Variants in ZFP69 observed in about 807,000 individuals in gnomAD.
ZFP69 encodes the protein zinc finger protein 69 homolog.
ZFP69 carries 35 observed loss-of-function variants against 48.9 expected under a neutral mutation model. That is an observed-to-expected ratio of 0.72 (90% CI 0.55 to 0.95). The LOEUF is 0.95. Among genes scored for constraint, ZFP69 ranks in the 40% least tolerant of loss-of-function variants. The pLI is 0.00. For synonymous variants in ZFP69, 193 were observed against 216.8 expected, an observed-to-expected ratio of 0.89 and a Z score of 0.96; for missense variants, 557 against 638.4, an observed-to-expected ratio of 0.87 and a Z score of 1.37.
intron 3 of ZFP69, among the ~76,000 whole-genome samples, chr1:40,488,142 A>G (rs1570031547): frequency 6.7e-6 from 1 of 148,554 alleles, no homozygotes; most frequent in East Asian, 2.0e-4. Flanking sequence ...GTGTATATAC[A>G]TACATACATG....
intron 3 of ZFP69, among the ~76,000 whole-genome samples, chr1:40,488,509 G>A (rs535742558): frequency 6.6e-6 from 1 of 152,332 alleles, no homozygotes; most frequent in Non-Finnish European, 1.5e-5. Context: ...GCGTGAGGTG[G>A]TGGGGGAACC....
At chr1:40,484,594 T>A (rs78161656) in intron 3 of ZFP69, among the ~76,000 whole-genome samples, 2 of 148,268 alleles carry the variant, frequency 1.3e-5, no homozygotes, top group South Asian at 4.3e-4. Flanking sequence ...TTTTTTTTTT[T>A]AATTGAGACA....
At position 40,489,101 on chromosome 1, in the gene ZFP69, T is replaced by G; in HGVS notation, c.233T>G (p.Phe78Cys). 8 of 1,613,888 alleles carry G rather than the reference T, an allele frequency of 5.0e-6. No individual in the cohort carries two copies. The highest frequency in any genetic ancestry group is 6.8e-6 in the Non-Finnish European group (8 of 1,180,000). The change falls in exon 4 of 6, where the codon TTC becomes TGC. Residue 78 changes from phenylalanine (F) to cysteine (C), a missense_variant. Phe to Cys is a radical substitution (Grantham distance 205). Transcript: ENST00000372706. ...PTAESQELLT[F>C]KDISIDFTQE... Reference sequence around the variant, plus strand: ...TTGATGTTCTAGGAATTGTTGACTTTCAAGGACATATCTATTGACTTCACC... The same window carrying G: ...TTGATGTTCTAGGAATTGTTGACTTGCAAGGACATATCTATTGACTTCACC...
intron 3 of ZFP69, among the ~76,000 whole-genome samples, chr1:40,486,132 G>A (rs1645494054): frequency 6.6e-6 from 1 of 151,844 alleles, no homozygotes; most frequent in Non-Finnish European, 1.5e-5. Flanking sequence ...TCACCATGTT[G>A]GCCAGGCTGG....
rs958871960 is a variant in ZFP69 at position 40,477,436 on chromosome 1, C to T, written c.-785C>T. ...GGAGGCAGAGGCCAGGCGAGACACCCGGCTGCGGCCTAAGAGGCCAGGCTG... is the reference window on the plus strand; with the variant it reads ...GGAGGCAGAGGCCAGGCGAGACACCTGGCTGCGGCCTAAGAGGCCAGGCTG... On this transcript the variant is annotated 5_prime_UTR_variant, in exon 1 of 6. Transcript: ENST00000372706. The surrounding 1 kb of genome is among the most constrained non-coding windows in gnomAD (Gnocchi z 4.0). 6.6e-6 allele frequency: 1 copy of T among 151,932 alleles called. No individual in the cohort carries two copies. The highest frequency in any genetic ancestry group is 1.5e-5 in the Non-Finnish European group (1 of 67,960). 9.4% of individuals were successfully genotyped at this position (151,932 alleles called of 1,614,324 possible).
chr1:40,494,009 T>C (rs958105819), intron 5 of ZFP69, among the ~76,000 whole-genome samples: 3 of 152,154 alleles, frequency 2.0e-5, no homozygotes, highest in Non-Finnish European at 2.9e-5. Flanking sequence ...GAGAAATATA[T>C]ATATATACAC....
At chr1:40,479,514 A>G in intron 2 of ZFP69, 26 bp downstream of exon 2, 6 of 1,596,312 alleles carry the variant, frequency 3.8e-6, no homozygotes, top group Non-Finnish European at 5.1e-6. Flanking sequence ...TGGAGGGGGA[A>G]GAAGGGGATC....
intron 3 of ZFP69, 144 bp from the exon 4 acceptor site, chr1:40,488,944 G>C: frequency 1.1e-6 from 1 of 904,904 alleles, no homozygotes; most frequent in Non-Finnish European, 1.7e-6. Flanking sequence ...CAGATTTGGA[G>C]ATCAGAGGAT....
In ZFP69 at chr1:40,477,729, G is replaced by A. The variant is rs1295188095; in HGVS notation, c.-492G>A. 6.6e-6 allele frequency: 1 copy of A among 152,166 alleles called. No homozygotes were observed. Among genetic ancestry groups the A allele is most frequent in the Admixed American group, 6.5e-5 (1 of 15,290 alleles). 9.4% of individuals were successfully genotyped at this position (152,166 alleles called of 1,614,324 possible). A position where few individuals can be genotyped will look rare whatever the true frequency, so the allele number is the denominator to read the frequency against. ...CAACGCTGGACGCTTCTTGGAGAATGATTGCGTTGAGTGGAGATGTGGTCT... is the reference window on the plus strand; with the variant it reads ...CAACGCTGGACGCTTCTTGGAGAATAATTGCGTTGAGTGGAGATGTGGTCT... On this transcript the variant is annotated 5_prime_UTR_variant, in exon 1 of 6. An upstream start codon of the reference 5' UTR is lost. Coordinates refer to ENST00000372706, the MANE Select transcript of ZFP69 (RefSeq NM_001320179.2). The surrounding 1 kb of genome is among the most constrained non-coding windows in gnomAD (Gnocchi z 4.0).
Position 40,495,915 on chromosome 1 carries a change from T to G in ZFP69, c.1437T>G (p.Asp479Glu). The G allele has an allele frequency of 6.2e-7, 1 of 1,614,134 alleles. No individual in the cohort carries two copies. Among genetic ancestry groups the G allele is most frequent in the Non-Finnish European group, 8.5e-7 (1 of 1,180,032 alleles). ...GCTGTGGAAAAGCCTATAGGCATGA[T>G]TCATCCTTTAAAAAACATCAGAGAC... ...CNRCGKAYRH[D>E]SSFKKHQRHH... The change falls in exon 6 of 6, where the codon GAT (aspartate) becomes GAG (glutamate). Residue 479 changes from aspartate to glutamate, a missense_variant. By Grantham distance (45) the Asp-to-Glu change is conservative (BLOSUM62 2). Transcript: ENST00000372706.
At chr1:40,486,657 A>T (rs1433501345) in intron 3 of ZFP69, among the ~76,000 whole-genome samples, 1 of 151,830 alleles carries the variant, frequency 6.6e-6, no homozygotes, top group Non-Finnish European at 1.5e-5. Context: ...CTTGAGCTCA[A>T]GCAGTCCTCC....
intron 2 of ZFP69, 42 bp downstream of exon 2, chr1:40,479,530 T>A: frequency 6.4e-7 from 1 of 1,572,112 alleles, no homozygotes; most frequent in Non-Finnish European, 8.6e-7. Context: ...GGATCTCATT[T>A]GTGTGTGAAA....
rs1014133288 is a variant in ZFP69 at position 40,495,125 on chromosome 1, A to C, written c.647A>C (p.His216Pro). 1.1e-5 allele frequency: 18 copies of C among 1,614,000 alleles called. No homozygotes were observed. The South Asian group carries it at 1.8e-4, about 16-fold the overall frequency. ...MRDVRQAILT[H>P]KKRVQETNKF... ...GATGTGAGACAAGCCATCTTGACCC[A>C]TAAGAAGAGAGTCCAAGAAACTAAC... Residue 216 changes from histidine (H) to proline (P), a missense_variant, in exon 6 of 6, where the codon CAT (histidine) becomes CCT (proline). By Grantham distance (77) the His-to-Pro change is moderately conservative. Coordinates refer to ENST00000372706, the MANE Select transcript of ZFP69 (RefSeq NM_001320179.2).
At position 40,489,581 on chromosome 1, in the gene ZFP69, G is replaced by C; in HGVS notation, c.399G>C (p.Glu133Asp). 6.2e-7 allele frequency: 1 copy of C among 1,613,772 alleles called. No individual in the cohort carries two copies. The highest frequency in any genetic ancestry group is 8.5e-7 in the Non-Finnish European group (1 of 1,179,912). The change falls in exon 5 of 6, where the codon GAG becomes GAC. Residue 133 changes from glutamate (E) to aspartate (D), a missense_variant. Physicochemically the swap from Glu to Asp is conservative, Grantham distance 45 (BLOSUM62 2). Transcript: ENST00000372706. ...TATCCCAGTTAGAGAAAGGAGAAGA[G>C]CCATGGATGGCAGAGAAAGAAGGCC... Reference protein sequence around the residue: ...SVISQLEKGEEPWMAEKEGPG... With the variant: ...SVISQLEKGEDPWMAEKEGPG...
At position 40,493,308 on chromosome 1, in the gene ZFP69, T is replaced by G. The variant is rs1445983847; in HGVS notation, c.443-1613T>G. ...ATTGACCTTTTATACAGCCACCTTG[T>G]TTTACTCTTATTAATTCCAATCACT... is the stretch of plus-strand genomic sequence containing the variant. On this transcript the variant is annotated intron_variant, in intron 5 of 5. Transcript: ENST00000372706. 2.6e-5 allele frequency: 4 copies of G among 152,134 alleles called. No homozygotes were observed. The East Asian group carries it at 7.7e-4, about 29-fold the overall frequency. The allele number at this position is 152,134 out of a possible 1,614,324, so 9.4% of individuals were successfully genotyped here.
Position 40,479,448 on chromosome 1 carries a change from G to A in ZFP69, c.87G>A (p.Ala29=), listed in dbSNP as rs781086304. Residue 29 remains alanine, a synonymous_variant, in exon 2 of 6, where the codon GCG becomes GCA. Transcript: ENST00000372706. ...LQHPKKAVEG[A]PLWEDVTKMF... ...ATCCAAAGAAGGCCGTGGAGGGGGC[G>A]CCCCTGTGGGAGGATGTGACTAAAA... The A allele has an allele frequency of 6.2e-6, 10 of 1,613,968 alleles. No homozygotes were observed. The East Asian group carries it at 8.9e-5, about 14-fold the overall frequency.
rs183939024 is a variant in ZFP69 at position 40,489,724 on chromosome 1, G to A, written c.442+100G>A. 10 of 843,498 alleles carry A rather than the reference G, an allele frequency of 1.2e-5. No homozygotes were observed. In the East Asian group the frequency reaches 1.4e-4, roughly 11 times the overall value. The allele number at this position is 843,498 out of a possible 1,614,324, so 52.3% of individuals were successfully genotyped here. On this transcript the variant is annotated intron_variant, in intron 5 of 5. Coordinates refer to ENST00000372706, the MANE Select transcript of ZFP69 (RefSeq NM_001320179.2). Reference sequence around the variant, plus strand: ...AGAAGTTTAATTGGCTAATGATTCTGCAGGCTGTACAGGAAGCATGGCACT... The same window carrying A: ...AGAAGTTTAATTGGCTAATGATTCTACAGGCTGTACAGGAAGCATGGCACT...
At chr1:40,481,552 A>G (rs1432428901) in intron 2 of ZFP69, among the ~76,000 whole-genome samples, 1 of 152,064 alleles carries the variant, frequency 6.6e-6, no homozygotes, top group Admixed American at 6.5e-5. Context: ...TCTCATACAT[A>G]GTTTTTGATC....
At position 40,495,314 on chromosome 1, in the gene ZFP69, T is replaced by C. The variant is rs751794224; in HGVS notation, c.836T>C (p.Ile279Thr). ...TATGAATGTAATATATGTGAAAAAA[T>C]CTTCAAACAACCTATTCACCTTACT... is the stretch of plus-strand genomic sequence containing the variant. ...KTYECNICEK[I>T]FKQPIHLTEH... is the part of the protein sequence containing the mutation. The change falls in exon 6 of 6, where the codon ATC (isoleucine) becomes ACC (threonine). Residue 279 changes from isoleucine (I) to threonine (T), a missense_variant. Ile to Thr is a moderately conservative substitution (Grantham distance 89). Transcript: ENST00000372706. 3 of 1,614,056 alleles carry C rather than the reference T, an allele frequency of 1.9e-6. No homozygotes were observed. The highest frequency in any genetic ancestry group is 1.7e-6 in the Non-Finnish European group (2 of 1,180,022).
Sources: gnomAD v4.1 joint callset for allele counts (sites outside exome capture counted in the v4.1 genomes callset) on GRCh38, gnomAD v4.1.1 for gene constraint, Gnocchi (gnomAD v3.1) non-coding constraint, MANE v1.5 for transcripts, NCBI Gene and HGNC (gene_info 2026-07-23, HGNC 2026-07-21) for gene names.